Variants in VRK1 observed in about 807,000 individuals in gnomAD.
VRK1 encodes the protein serine/threonine-protein kinase VRK1.
In VRK1, 33 loss-of-function variants were observed where a neutral mutation model predicts 57.1. That is an observed-to-expected ratio of 0.58 (90% CI 0.44 to 0.77). VRK1 has a LOEUF of 0.77. VRK1 is among the 30% of genes least tolerant of loss of function. VRK1 has a pLI of 0.00. For synonymous variants in VRK1, 137 were observed against 147.8 expected (o/e 0.93, Z 0.53); for missense variants, 413 against 477.3 (o/e 0.87, Z 1.25).
At chr14:96,805,941 A>G (rs1885856617) in intron 1 of VRK1, among the ~76,000 whole-genome samples, 1 of 148,624 alleles carries the variant, frequency 6.7e-6, no homozygotes, top group South Asian at 2.1e-4. Flanking sequence ...AGAATATTTC[A>G]CTTGTGATTT....
At chr14:96,861,008 A>C in intron 11 of VRK1, 1 of 263,456 alleles carries the variant, frequency 3.8e-6, no homozygotes, top group Non-Finnish European at 7.3e-6. Flanking sequence ...GGTGCACTGA[A>C]TTCATAATTT....
intron 5 of VRK1, among the ~76,000 whole-genome samples, chr14:96,851,673 G>T (rs1197295558): frequency 6.6e-6 from 1 of 152,030 alleles, no homozygotes; most frequent in Non-Finnish European, 1.5e-5. Flanking sequence ...ATATAAATGG[G>T]ATTTTTGTAT....
chr14:96,875,558 A>G (rs970691261), intron 11 of VRK1, among the ~76,000 whole-genome samples: 2 of 152,214 alleles, frequency 1.3e-5, no homozygotes, highest in African/African-American at 2.4e-5. Context: ...TGGTACAAAC[A>G]CTGATTTAAT....
At chr14:96,866,155 T>G (rs1288630192) in intron 11 of VRK1, among the ~76,000 whole-genome samples, 1 of 152,174 alleles carries the variant, frequency 6.6e-6, no homozygotes, top group Non-Finnish European at 1.5e-5. Context: ...TAAGGAGAGC[T>G]TTATGTGAAT....
rs542911728 is a variant in VRK1, at chr14:96,865,540, A to G, written c.1068+4805A>G. Among the ~76,000 whole-genome samples, 13 of 152,302 alleles carry G rather than the reference A, an allele frequency of 8.5e-5. 1 individual carries two copies. Among genetic ancestry groups the G allele is most frequent in the African/African-American group, 3.1e-4 (13 of 41,576 alleles). ...TACATACAAATTTTAGAATTGGCTTATTAGTTTCCTCAAAAATACTTCTAG... is the reference window on the plus strand; with the variant it reads ...TACATACAAATTTTAGAATTGGCTTGTTAGTTTCCTCAAAAATACTTCTAG... On this transcript the variant is annotated intron_variant, in intron 11 of 12. Coordinates refer to ENST00000216639, the MANE Select transcript of VRK1 (RefSeq NM_003384.3).
intron 11 of VRK1, among the ~76,000 whole-genome samples, chr14:96,862,076 C>A (rs74605001): frequency 6.6e-6 from 1 of 152,086 alleles, no homozygotes; most frequent in Non-Finnish European, 1.5e-5. Flanking sequence ...CACCTCCCTC[C>A]GCCCAACCCC....
chr14:96,852,147 C>T (rs1002886670), intron 5 of VRK1, among the ~76,000 whole-genome samples: 7 of 152,124 alleles, frequency 4.6e-5, no homozygotes, highest in East Asian at 1.9e-4. Context: ...TTGAAAGTGA[C>T]CTTAGAAAGG....
intron 7 of VRK1, 64 bp from the exon 8 acceptor site, chr14:96,855,160 C>A: frequency 6.2e-7 from 1 of 1,611,882 alleles, no homozygotes; most frequent in South Asian, 1.1e-5. Context: ...TGTTTCTGTG[C>A]TTTAAAGGGT....
intron 1 of VRK1, among the ~76,000 whole-genome samples, chr14:96,818,996 A>G (rs980469114): frequency 1.3e-5 from 2 of 152,230 alleles, no homozygotes; most frequent in African/African-American, 4.8e-5. Context: ...TAGCTGGCAC[A>G]TTTATAAGAG....
intron 1 of VRK1, among the ~76,000 whole-genome samples, chr14:96,801,510 A>G (rs2139675842): frequency 6.6e-6 from 1 of 152,266 alleles, no homozygotes; most frequent in African/African-American, 2.4e-5. Flanking sequence ...TTTACTATGT[A>G]ATTTGGCAAC....
intron 1 of VRK1, among the ~76,000 whole-genome samples, chr14:96,829,282 T>C (rs75047176): frequency 0.014 from 2,160 of 151,962 alleles, 55 homozygotes; most frequent in African/African-American, 0.049. Context: ...TTTCCAGTTT[T>C]GATCCCTTGG....
At chr14:96,877,654 G>A (rs1889098230) in intron 12 of VRK1, 2 of 1,284,110 alleles carry the variant, frequency 1.6e-6, no homozygotes, top group Non-Finnish European at 2.0e-6. Flanking sequence ...TTTAAAACTG[G>A]CAATTTTAGT....
intron 5 of VRK1, among the ~76,000 whole-genome samples, chr14:96,849,520 T>C (rs1887865213): frequency 6.6e-6 from 1 of 152,128 alleles, no homozygotes; most frequent in African/African-American, 2.4e-5. Context: ...CTAGATTGAT[T>C]GTACTTGACT....
intron 2 of VRK1, 151 bp from the exon 3 acceptor site, chr14:96,837,611 A>G (rs1887271317): frequency 2.6e-6 from 1 of 387,296 alleles, no homozygotes. Context: ...AAAAGTCTTA[A>G]AATTTATGAA....
At chr14:96,805,652 G>A (rs1879413589) in intron 1 of VRK1, among the ~76,000 whole-genome samples, 1 of 152,028 alleles carries the variant, frequency 6.6e-6, no homozygotes, top group South Asian at 2.1e-4. Flanking sequence ...GTATAGTGTC[G>A]AACTACTAGA....
chr14:96,850,322 A>G (rs1887898078), intron 5 of VRK1, among the ~76,000 whole-genome samples: 1 of 152,234 alleles, frequency 6.6e-6, no homozygotes, highest in South Asian at 2.1e-4. Flanking sequence ...AGCTGCTACC[A>G]TTATTAAATT....
intron 1 of VRK1, among the ~76,000 whole-genome samples, chr14:96,810,098 T>C (rs1272900193): frequency 3.9e-5 from 6 of 152,234 alleles, no homozygotes; most frequent in Non-Finnish European, 8.8e-5. Flanking sequence ...CTTCTTCATA[T>C]GCTTGTTGGC....
intron 11 of VRK1, among the ~76,000 whole-genome samples, chr14:96,862,246 C>T (rs1372553670): frequency 6.6e-6 from 1 of 152,134 alleles, no homozygotes. Flanking sequence ...TCTGTGGTGT[C>T]CTTGGATAGT....
intron 2 of VRK1, among the ~76,000 whole-genome samples, chr14:96,834,465 G>A (rs1887136981): frequency 1.3e-5 from 2 of 152,158 alleles, no homozygotes; most frequent in Admixed American, 1.3e-4. Context: ...ATCAGAAACT[G>A]TAGGGAGAGG....
Sources: gnomAD v4.1 joint callset for allele counts (sites outside exome capture counted in the v4.1 genomes callset) on GRCh38, gnomAD v4.1.1 for gene constraint, MANE v1.5 for transcripts, NCBI Gene and HGNC (gene_info 2026-07-23, HGNC 2026-07-21) for gene names.